PTPRB: variants seen among roughly 807,000 people sequenced by gnomAD.
PTPRB encodes protein tyrosine phosphatase receptor type B.
A neutral mutation model predicts 238.1 loss-of-function variants in PTPRB; 97 were observed. The observed-to-expected ratio is 0.41, with a 90% CI of 0.35 to 0.48. PTPRB has a LOEUF of 0.48. PTPRB is among the 20% of genes least tolerant of loss of function. The pLI is 0.30. For synonymous variants in PTPRB, 970 were observed against 995.4 expected, an observed-to-expected ratio of 0.97 and a Z score of 0.48; for missense variants, 2,292 against 2,681.9, an observed-to-expected ratio of 0.85 and a Z score of 3.21.
intron 9 of PTPRB, 40 bp from the exon 10 acceptor site, chr12:70,581,342 T>G (rs1881373098): frequency 1.3e-6 from 2 of 1,558,994 alleles, no homozygotes; most frequent in South Asian, 2.5e-5. Flanking sequence ...TGACACTTAG[T>G]CACCTTAAGA....
rs1310689164 is a variant in PTPRB, at chr12:70,520,013, A to G, written c.*1476T>C. ...ACTTACGGACTTTATGGTAGGTTAC[A>G]AAAATATATACTTTGAAAAGAAATA... On this transcript the variant is annotated 3_prime_UTR_variant, in exon 34 of 34. Coordinates refer to ENST00000334414, the MANE Select transcript of PTPRB (RefSeq NM_001109754.4). The G allele has an allele frequency of 3.9e-6, 1 of 257,094 alleles. No individual in the cohort carries two copies. Among genetic ancestry groups the G allele is most frequent in the Non-Finnish European group, 7.8e-6 (1 of 127,678 alleles). The allele number at this position is 257,094 out of a possible 1,614,324, so 15.9% of individuals were successfully genotyped here. A position where few individuals can be genotyped will look rare whatever the true frequency, so the allele number is the denominator to read the frequency against.
chr12:70,590,053 G>A lies in PTPRB; in HGVS notation c.1961C>T (p.Thr654Met), dbSNP rs757240547. 1.9e-6 allele frequency: 3 copies of A among 1,613,838 alleles called. No homozygotes were observed. Among genetic ancestry groups the A allele is most frequent in the South Asian group, 1.1e-5 (1 of 91,074 alleles). Residue 654 changes from threonine to methionine, a missense_variant, in exon 8 of 34, where the codon ACG (threonine) becomes ATG (methionine). Thr to Met is a moderately conservative substitution (Grantham distance 81, BLOSUM62 -1). Coordinates refer to ENST00000334414, the MANE Select transcript of PTPRB (RefSeq NM_001109754.4). ...KEETQYVMDD[T>M]GLVPGRQYEV... ...ATACTGTCTTCCCGGTACGAGCCCC[G>A]TGTCATCCATGACATACTGTGTTTC...
chr12:70,599,235 GATATAT>G (rs1044950590), intron 4 of PTPRB, among the ~76,000 whole-genome samples: 1 of 151,962 alleles, frequency 6.6e-6, no homozygotes, highest in African/African-American at 2.4e-5. Context: ...TATGTATATA[GATATAT>G]ATATGGAGAA....
chr12:70,595,927 TTAAC>T (rs1248314906), intron 5 of PTPRB, 118 bp downstream of exon 5: 1 of 981,378 alleles, frequency 1.0e-6, no homozygotes, highest in Non-Finnish European at 1.4e-6. Flanking sequence ...TTTTAAAAAT[TTAAC>T]TAATTGCTAA....
At chr12:70,537,959 T>C (rs1441019394) in intron 28 of PTPRB, 196 bp downstream of exon 28, 6 of 512,782 alleles carry the variant, frequency 1.2e-5, no homozygotes, top group Admixed American at 3.6e-5. Flanking sequence ...CATTTGACTA[T>C]AGCCATTGTG....
At chr12:70,626,343 CTAT>C in intron 2 of PTPRB, among the ~76,000 whole-genome samples, 1 of 143,002 alleles carries the variant, frequency 7.0e-6, no homozygotes, top group Non-Finnish European at 1.5e-5. Flanking sequence ...ATCTATCTAT[CTAT>C]CTATCTATCT....
chr12:70,519,049 A>G lies in PTPRB; in HGVS notation c.*2440T>C, dbSNP rs1871405960. ...TTATATATTTAGTCTTCCCAGGAGT[A>G]GGAGCGAATAGTGAAATATTTGTTG... is the stretch of plus-strand genomic sequence containing the variant. On this transcript the variant is annotated 3_prime_UTR_variant, in exon 34 of 34. Coordinates refer to ENST00000334414, the MANE Select transcript of PTPRB (RefSeq NM_001109754.4). 6.6e-6 allele frequency: 1 copy of G among 152,210 alleles called. No homozygotes were observed. Among genetic ancestry groups the G allele is most frequent in the Admixed American group, 6.5e-5 (1 of 15,280 alleles). 9.4% of individuals were successfully genotyped at this position (152,210 alleles called of 1,614,324 possible).
chr12:70,532,629 C>CTCCT (rs1873459413), intron 31 of PTPRB, among the ~76,000 whole-genome samples: 1 of 151,594 alleles, frequency 6.6e-6, no homozygotes, highest in Non-Finnish European at 1.5e-5. Flanking sequence ...TTCTTTCTCT[C>CTCCT]TCCTTCCTTC....
intron 3 of PTPRB, among the ~76,000 whole-genome samples, chr12:70,615,372 G>A (rs1884631725): frequency 6.6e-6 from 1 of 152,066 alleles, no homozygotes; most frequent in Non-Finnish European, 1.5e-5. Flanking sequence ...ATACTGCAAG[G>A]GAGGGGTGGG....
chr12:70,618,213 C>T (rs1409925004), intron 3 of PTPRB, among the ~76,000 whole-genome samples: 6 of 152,182 alleles, frequency 3.9e-5, no homozygotes, highest in Non-Finnish European at 8.8e-5. Context: ...GATCCTTCTG[C>T]CTTAGCCTCC....
chr12:70,555,302 A>AG lies in PTPRB; in HGVS notation c.5000dup (p.Pro1668SerfsTer10). ...TCACACGAATGTGTGGGGGTGGAGG[A>AG]GGGGGGCCTGGAAAAAGAGGTGGGG... On this transcript the variant is annotated frameshift_variant, in exon 20 of 34. Transcript: ENST00000334414. LOFTEE classifies it high-confidence loss of function. The AG allele has an allele frequency of 2.5e-6, 4 of 1,610,926 alleles. No individual in the cohort carries two copies. Among genetic ancestry groups the AG allele is most frequent in the Non-Finnish European group, 2.5e-6 (3 of 1,178,992 alleles).
intron 3 of PTPRB, 73 bp from the exon 4 acceptor site, chr12:70,609,412 C>G: frequency 6.6e-7 from 1 of 1,525,312 alleles, no homozygotes; most frequent in South Asian, 1.3e-5. Context: ...CAGCAAGCTC[C>G]TCAAGCCACA....
At chr12:70,546,930 G>A (rs1399160170) in intron 21 of PTPRB, among the ~76,000 whole-genome samples, 1 of 152,072 alleles carries the variant, frequency 6.6e-6, no homozygotes, top group Non-Finnish European at 1.5e-5. Context: ...TTGAACTGAT[G>A]GAGTATTAGG....
At chr12:70,566,315 C>T (rs1879289925) in intron 15 of PTPRB, 120 bp downstream of exon 15, 2 of 1,272,786 alleles carry the variant, frequency 1.6e-6, no homozygotes, top group Non-Finnish European at 2.1e-6. Context: ...TGAATGTTCC[C>T]AGCGTATCAA....
At chr12:70,577,864 A>T (rs1880959802) in intron 10 of PTPRB, among the ~76,000 whole-genome samples, 1 of 152,154 alleles carries the variant, frequency 6.6e-6, no homozygotes, top group Non-Finnish European at 1.5e-5. Flanking sequence ...CAGAAGATTT[A>T]TATATTGGTA....
chr12:70,581,159 T>A lies in PTPRB; in HGVS notation c.2455A>T (p.Ile819Phe). The change falls in exon 10 of 34, where the codon ATC becomes TTC. Residue 819 changes from isoleucine (I) to phenylalanine (F), a missense_variant. Ile to Phe is a conservative substitution (Grantham distance 21). Around this residue, in one of 4 missense-constraint regions of PTPRB, gnomAD observed 1,205 missense variants for 1,287.8 expected, o/e 0.94. Transcript: ENST00000334414. The part of the protein sequence containing the change: ...HENVVIKNES[I>F]SSETSRYSFH... ...CTGTATCTGCTGGTCTCACTGGAGATGCTTTCATTTTTAATGACCACATTT... is the reference window on the plus strand; with the variant it reads ...CTGTATCTGCTGGTCTCACTGGAGAAGCTTTCATTTTTAATGACCACATTT... The A allele has an allele frequency of 6.2e-7, 1 of 1,614,016 alleles. No homozygotes were observed. The highest frequency in any genetic ancestry group is 1.7e-5 in the Admixed American group (1 of 60,028).
intron 21 of PTPRB, among the ~76,000 whole-genome samples, chr12:70,546,392 T>G (rs1875973838): frequency 6.6e-6 from 1 of 152,138 alleles, no homozygotes; most frequent in Non-Finnish European, 1.5e-5. Flanking sequence ...AACCTCTGCT[T>G]GAATGAGAAG....
intron 28 of PTPRB, among the ~76,000 whole-genome samples, chr12:70,536,467 C>T (rs1205886894): frequency 6.6e-6 from 1 of 151,996 alleles, no homozygotes; most frequent in East Asian, 1.9e-4. Flanking sequence ...TTTGTGTAGA[C>T]TGTTGGAGGG....
At chr12:70,607,788 T>C (rs1884083204) in intron 4 of PTPRB, among the ~76,000 whole-genome samples, 2 of 151,936 alleles carry the variant, frequency 1.3e-5, no homozygotes, top group African/African-American at 2.4e-5. Flanking sequence ...CCTGACCTCA[T>C]GATCCACCTG....
Sources: allele counts gnomAD v4.1 joint callset (sites outside exome capture counted in the v4.1 genomes callset), GRCh38; gene constraint gnomAD v4.1.1; regional missense constraint gnomAD v4.1.1; transcripts MANE v1.5; gene names NCBI Gene and HGNC (gene_info 2026-07-23, HGNC 2026-07-21).